Variants in KHDRBS2 observed in about 807,000 individuals in gnomAD.
KHDRBS2 encodes KH RNA binding domain containing, signal transduction associated 2.
In KHDRBS2, 26 loss-of-function variants were observed where a neutral mutation model predicts 44.3. The observed-to-expected ratio is 0.59, with a 90% CI of 0.43 to 0.81. The LOEUF is 0.81. Ranked by LOEUF, KHDRBS2 falls within the 40% of genes least tolerant of loss-of-function variation. The pLI, the probability that KHDRBS2 is intolerant of heterozygous loss-of-function variation, is 0.00. For missense variants in KHDRBS2, 476 were observed against 433.1 expected, an observed-to-expected ratio of 1.10 and a Z score of -0.88; for synonymous variants, 194 against 151.1, an observed-to-expected ratio of 1.28 and a Z score of -2.08.
chr6:61,940,043 T>C (rs2127374772), intron 4 of KHDRBS2, among the ~76,000 whole-genome samples: 1 of 152,186 alleles, frequency 6.6e-6, no homozygotes, highest in Middle Eastern at 3.4e-3. Flanking sequence ...AACATAAGAA[T>C]TCATTATTGG....
chr6:61,856,639 GGAA>G (rs1335109803), intron 6 of KHDRBS2, among the ~76,000 whole-genome samples: 1 of 151,666 alleles, frequency 6.6e-6, no homozygotes, highest in Non-Finnish European at 1.5e-5. Flanking sequence ...TTTAGGTTTT[GGAA>G]GAAGATTTAG....
At chr6:61,546,908 A>G in the KHDRBS2 span, among the ~76,000 whole-genome samples, 12 of 152,056 alleles carry the variant, frequency 7.9e-5, no homozygotes, top group African/African-American at 2.9e-4. Context: ...TCCATTTTCC[A>G]ACCAGATTAT....
chr6:61,755,790 ACT>A (rs1562101952), intron 6 of KHDRBS2, among the ~76,000 whole-genome samples: 3 of 140,240 alleles, frequency 2.1e-5, no homozygotes, highest in Non-Finnish European at 4.7e-5. Flanking sequence ...ACAGGGCAAG[ACT>A]CTGTCTCAAA....
At chr6:62,184,939 T>C (rs2150127699) in intron 1 of KHDRBS2, among the ~76,000 whole-genome samples, 1 of 152,012 alleles carries the variant, frequency 6.6e-6, no homozygotes, top group Admixed American at 6.6e-5. Flanking sequence ...CAGTCCACAC[T>C]AATGCAAAAT....
intron 2 of KHDRBS2, among the ~76,000 whole-genome samples, chr6:62,140,698 A>G (rs1332086225): frequency 6.6e-6 from 1 of 152,222 alleles, no homozygotes; most frequent in African/African-American, 2.4e-5. Flanking sequence ...TCTGTTATTG[A>G]GTGTTACATG....
intron 4 of KHDRBS2, among the ~76,000 whole-genome samples, chr6:61,938,810 G>GA (rs1811529161): frequency 1.3e-5 from 2 of 152,190 alleles, no homozygotes; most frequent in African/African-American, 2.4e-5. Flanking sequence ...TCTATAAAGA[G>GA]AAAAAAGCAA....
At chr6:62,016,958 A>C (rs1299129158) in intron 3 of KHDRBS2, among the ~76,000 whole-genome samples, 1 of 152,200 alleles carries the variant, frequency 6.6e-6, no homozygotes, top group Non-Finnish European at 1.5e-5. Flanking sequence ...AATATTCAGC[A>C]AATCAAAACA....
intron 4 of KHDRBS2, among the ~76,000 whole-genome samples, chr6:61,953,179 A>T (rs1765129117): frequency 6.6e-6 from 1 of 152,028 alleles, no homozygotes; most frequent in Non-Finnish European, 1.5e-5. Flanking sequence ...TATATTAGGT[A>T]ACTGGAGATT....
chr6:62,263,808 C>T (rs754605050), intron 1 of KHDRBS2, among the ~76,000 whole-genome samples: 1 of 151,718 alleles, frequency 6.6e-6, no homozygotes, highest in Non-Finnish European at 1.5e-5. Context: ...GGTTTTACAT[C>T]CTTGCCATAG....
chr6:61,977,200 T>C (rs1202039171), intron 4 of KHDRBS2, among the ~76,000 whole-genome samples: 3 of 152,132 alleles, frequency 2.0e-5, no homozygotes, highest in Non-Finnish European at 4.4e-5. Context: ...GTTTCTTCAT[T>C]GTGCAGATCT....
chr6:61,916,691 G>A (rs1807067112), intron 4 of KHDRBS2, among the ~76,000 whole-genome samples: 2 of 151,764 alleles, frequency 1.3e-5, no homozygotes, highest in Non-Finnish European at 2.9e-5. Context: ...TCAACAAGAA[G>A]AAAACAAACA....
At chr6:61,927,140 A>T (rs1298745332) in intron 4 of KHDRBS2, among the ~76,000 whole-genome samples, 1 of 152,088 alleles carries the variant, frequency 6.6e-6, no homozygotes, top group African/African-American at 2.4e-5. Flanking sequence ...AAATTTCCTT[A>T]ACTTTTCAGA....
chr6:62,159,254 G>A (rs1169967251), intron 2 of KHDRBS2, among the ~76,000 whole-genome samples: 1 of 151,954 alleles, frequency 6.6e-6, no homozygotes, highest in African/African-American at 2.4e-5. Flanking sequence ...AAGAAAATTT[G>A]GTTAAGCAAA....
chr6:61,591,321 A>G, the KHDRBS2 span, among the ~76,000 whole-genome samples: 1 of 152,360 alleles, frequency 6.6e-6, no homozygotes, highest in African/African-American at 2.4e-5. Flanking sequence ...TTATTCAATG[A>G]ATAAATCCAT....
intron 2 of KHDRBS2, among the ~76,000 whole-genome samples, chr6:62,073,074 G>C (rs1795555214): frequency 6.6e-6 from 1 of 152,030 alleles, no homozygotes; most frequent in South Asian, 2.1e-4. Context: ...TCTTGGGAGG[G>C]TGTATGTGTC....
At chr6:62,190,594 C>A (rs972574603) in intron 1 of KHDRBS2, among the ~76,000 whole-genome samples, 1 of 152,080 alleles carries the variant, frequency 6.6e-6, no homozygotes, top group African/African-American at 2.4e-5. Flanking sequence ...TTTTAGACAC[C>A]AAGCCCAAAC....
At chr6:62,247,333 G>T (rs176606) in intron 1 of KHDRBS2, among the ~76,000 whole-genome samples, 151,808 of 151,810 alleles carry the variant, frequency 1, 75,903 homozygotes, top group Middle Eastern at 1. Context: ...GCAAAAGTAA[G>T]TGTGGTGTTT....
intron 2 of KHDRBS2, among the ~76,000 whole-genome samples, chr6:62,092,753 C>T (rs1799718331): frequency 1.3e-5 from 2 of 152,058 alleles, no homozygotes; most frequent in Admixed American, 6.6e-5. Context: ...AATGAAAGGG[C>T]AAGGTAATCA....
intron 2 of KHDRBS2, among the ~76,000 whole-genome samples, chr6:62,059,497 A>G (rs926514369): frequency 1.3e-5 from 2 of 151,686 alleles, no homozygotes; most frequent in Admixed American, 1.3e-4. Flanking sequence ...GCAATTTATT[A>G]TATTAAGTTG....
Sources: gnomAD v4.1 joint callset for allele counts (sites outside exome capture counted in the v4.1 genomes callset) on GRCh38, gnomAD v4.1.1 for gene constraint, MANE v1.5 for transcripts, NCBI Gene and HGNC (gene_info 2026-07-23, HGNC 2026-07-21) for gene names.